The following LARS2 variants were observed in gnomAD, a reference collection of about 807,000 sequenced individuals.
LARS2 encodes the protein leucine--tRNA ligase, mitochondrial.
Under a neutral mutation model 116.6 loss-of-function variants are expected in LARS2, and 81 were observed. That is an observed-to-expected ratio of 0.69 (90% confidence interval 0.58 to 0.84). LARS2 has a LOEUF of 0.84. LARS2 is among the 40% of genes least tolerant of loss of function. The probability of loss-of-function intolerance (pLI) is 0.00; values close to 1 mark genes in which losing one functional copy is unlikely to be tolerated. For missense variants in LARS2, 968 were observed against 1,114.5 expected, an observed-to-expected ratio of 0.87 and a Z score of 1.87; for synonymous variants, 396 against 407.2, an observed-to-expected ratio of 0.97 and a Z score of 0.33.
chr3:45,466,284 A>T (rs992815089), intron 8 of LARS2, among the ~76,000 whole-genome samples: 1 of 152,152 alleles, frequency 6.6e-6, no homozygotes, highest in African/African-American at 2.4e-5. Context: ...GGTCTCAGGG[A>T]TCGCTGCACA....
intron 4 of LARS2, among the ~76,000 whole-genome samples, chr3:45,411,448 G>A (rs980750930): frequency 6.6e-6 from 1 of 152,174 alleles, no homozygotes; most frequent in African/African-American, 2.4e-5. Context: ...TCAAGGTAAG[G>A]ATTAGGCAGC....
At chr3:45,533,757 A>G (rs1700657427) in intron 20 of LARS2, among the ~76,000 whole-genome samples, 1 of 152,112 alleles carries the variant, frequency 6.6e-6, no homozygotes, top group African/African-American at 2.4e-5. Context: ...GGTAGTGTAC[A>G]CTGTGGTTTG....
At chr3:45,538,368 G>A (rs941518824) in intron 20 of LARS2, 4 of 152,222 alleles carry the variant, frequency 2.6e-5, no homozygotes, top group African/African-American at 9.7e-5. Flanking sequence ...GCCATACGGA[G>A]GTTTTGGAAA....
At chr3:45,514,290 A>G (rs1283312597) in intron 16 of LARS2, among the ~76,000 whole-genome samples, 1 of 152,206 alleles carries the variant, frequency 6.6e-6, no homozygotes, top group Non-Finnish European at 1.5e-5. Flanking sequence ...CACTGTGACC[A>G]TTACATTTAG....
intron 8 of LARS2, among the ~76,000 whole-genome samples, chr3:45,466,443 C>T (rs1699427093): frequency 6.6e-6 from 1 of 152,108 alleles, no homozygotes; most frequent in Non-Finnish European, 1.5e-5. Flanking sequence ...AACAGAAAAC[C>T]CCTCATGCCT....
At chr3:45,428,621 A>T (rs565756512) in intron 6 of LARS2, among the ~76,000 whole-genome samples, 2 of 152,114 alleles carry the variant, frequency 1.3e-5, no homozygotes, top group Non-Finnish European at 1.5e-5. Flanking sequence ...ATCACTCTTC[A>T]TCTCCAGATG....
At position 45,428,239 on chromosome 3, in the gene LARS2, GT is replaced by G. The variant is rs35323496; in HGVS notation, c.516+8532del. ...TAACAAAAATGTACTATCTTAACCTGTTTTTTTTTTTTTTTTTTTTTTGAGA... is the reference window on the plus strand; with the variant it reads ...TAACAAAAATGTACTATCTTAACCTGTTTTTTTTTTTTTTTTTTTTTGAGA... On this transcript the variant is annotated intron_variant, in intron 6 of 21. Transcript: ENST00000645846. Among the ~76,000 whole-genome samples, 55 of 84,226 alleles carry G rather than the reference GT, an allele frequency of 6.5e-4. No homozygotes were observed. The East Asian group carries it at 0.01, about 16-fold the overall frequency. The allele number at this position is 84,226 out of a possible 152,430, so 55.3% of individuals were successfully genotyped here.
chr3:45,413,936 G>C (rs854210), intron 4 of LARS2, among the ~76,000 whole-genome samples: 16,066 of 152,140 alleles, frequency 0.11, 2,770 homozygotes, highest in African/African-American at 0.36. Context: ...GTGTGCTTGT[G>C]CTGGACATAA....
intron 21 of LARS2, among the ~76,000 whole-genome samples, chr3:45,545,245 C>T (rs940112986): frequency 5.3e-5 from 8 of 152,206 alleles, no homozygotes; most frequent in African/African-American, 1.7e-4. Context: ...CTGTTATTAG[C>T]CATCGCAAGG....
At chr3:45,458,703 A>G (rs779789348) in intron 7 of LARS2, 40 bp from the exon 8 acceptor site, 5 of 1,605,028 alleles carry the variant, frequency 3.1e-6, no homozygotes, top group African/African-American at 2.7e-5. Context: ...AAAAAAGAGT[A>G]CTCACCAGAT....
chr3:45,423,890 A>G (rs1698552919), intron 6 of LARS2, among the ~76,000 whole-genome samples: 1 of 152,140 alleles, frequency 6.6e-6, no homozygotes, highest in Non-Finnish European at 1.5e-5. Context: ...TCTTTCATTC[A>G]TTATCTTTTT....
chr3:45,542,253 T>G (rs893048296), intron 21 of LARS2, among the ~76,000 whole-genome samples: 1 of 152,214 alleles, frequency 6.6e-6, no homozygotes, highest in Non-Finnish European at 1.5e-5. Context: ...TATCTTCCTT[T>G]CCAACTGTGG....
At chr3:45,419,538 G>A in intron 5 of LARS2, 131 bp from the exon 6 acceptor site, 1 of 688,458 alleles carries the variant, frequency 1.5e-6, no homozygotes, top group Non-Finnish European at 2.5e-6. Flanking sequence ...TTTCTGCTAG[G>A]GCAAAGCAAC....
At chr3:45,518,290 G>GC (rs1282374593) in intron 18 of LARS2, among the ~76,000 whole-genome samples, 1 of 152,082 alleles carries the variant, frequency 6.6e-6, no homozygotes, top group Non-Finnish European at 1.5e-5. Flanking sequence ...GGAAAGAGAT[G>GC]CCCCCAGGAA....
intron 4 of LARS2, among the ~76,000 whole-genome samples, chr3:45,410,386 G>T (rs934467585): frequency 1.3e-5 from 2 of 150,164 alleles, no homozygotes; most frequent in African/African-American, 4.9e-5. Context: ...AAATACAGAA[G>T]AATGTTTGTC....
intron 15 of LARS2, among the ~76,000 whole-genome samples, chr3:45,505,708 T>C (rs1700191999): frequency 6.6e-6 from 1 of 151,910 alleles, no homozygotes; most frequent in Admixed American, 6.6e-5. Context: ...GTTGGGGGAA[T>C]AGCTCCTTCT....
chr3:45,414,750 A>G (rs956751625), intron 4 of LARS2, among the ~76,000 whole-genome samples: 6 of 151,966 alleles, frequency 3.9e-5, no homozygotes, highest in Non-Finnish European at 8.8e-5. Flanking sequence ...AAAAGGCAGC[A>G]AAATAAAACT....
At chr3:45,389,665 C>A (rs888582699) in intron 1 of LARS2, among the ~76,000 whole-genome samples, 1 of 152,198 alleles carries the variant, frequency 6.6e-6, no homozygotes, top group Admixed American at 6.5e-5. Context: ...GAAGAGTCTT[C>A]TTATCTTAGA....
chr3:45,541,353 G>C lies in LARS2; in HGVS notation c.2405-476G>C, dbSNP rs370662954. Among the ~76,000 whole-genome samples the C allele has an allele frequency of 7.9e-5, 12 of 152,216 alleles. No individual in the cohort carries two copies. In the East Asian group the frequency reaches 2.3e-3, roughly 29 times the overall value. Reference sequence around the variant, plus strand: ...CAGGAAGGTTAGGATCCCCCTGCACGTGGTGAGGAGTGTCCTGCCGTTCAC... The same window carrying C: ...CAGGAAGGTTAGGATCCCCCTGCACCTGGTGAGGAGTGTCCTGCCGTTCAC... On this transcript the variant is annotated intron_variant, in intron 20 of 21. Coordinates refer to ENST00000645846, the MANE Select transcript of LARS2 (RefSeq NM_015340.4).
Sources: allele counts gnomAD v4.1 joint callset (sites outside exome capture counted in the v4.1 genomes callset), GRCh38; gene constraint gnomAD v4.1.1; transcripts MANE v1.5; gene names NCBI Gene and HGNC (gene_info 2026-07-23, HGNC 2026-07-21).